SCN3A: variants seen among roughly 807,000 people sequenced by gnomAD.
The protein encoded by SCN3A is sodium channel protein type 3 subunit alpha.
A neutral mutation model predicts 187.6 loss-of-function variants in SCN3A; 60 were observed. The observed-to-expected ratio is 0.32, with a 90% CI of 0.26 to 0.40. The LOEUF is 0.40. Ranked by LOEUF, SCN3A falls within the 10% of genes least tolerant of loss-of-function variation. SCN3A has a pLI of 1.00. For synonymous variants in SCN3A, 788 were observed against 829.2 expected (o/e 0.95, Z 0.85); for missense variants, 1,601 against 2,428.2 (o/e 0.66, Z 7.16).
At position 165,162,349 on chromosome 2, in the gene SCN3A, C is replaced by T; in HGVS notation, c.990G>A (p.Gly330=). Residue 330 remains glycine, a synonymous_variant, in exon 9 of 28, where the codon GGG becomes GGA. Transcript: ENST00000283254. ...TTCCACAGAGTAAAGGGTCTTTTTG[C>T]CCATCCAAAACATAAAAGTGACCTG... is the stretch of plus-strand genomic sequence containing the variant. ...GDDSHFYVLD[G]QKDPLLCGNG... is the part of the protein sequence containing the mutation. 1 of 1,612,716 alleles carries T rather than the reference C, an allele frequency of 6.2e-7. No homozygotes were observed.
chr2:165,157,529 T>C (rs1574253149), intron 9 of SCN3A, among the ~76,000 whole-genome samples: 2 of 152,332 alleles, frequency 1.3e-5, no homozygotes, highest in East Asian at 3.9e-4. Context: ...CTATGACTTA[T>C]CACTCTTGAT....
At chr2:165,151,007 T>C (rs1688655329) in intron 11 of SCN3A, among the ~76,000 whole-genome samples, 1 of 152,194 alleles carries the variant, frequency 6.6e-6, no homozygotes, top group African/African-American at 2.4e-5. Flanking sequence ...AATGTAGAAC[T>C]TTCTGGCAAG....
At chr2:165,154,380 T>A (rs986841055) in intron 11 of SCN3A, 72 bp downstream of exon 11, 3 of 1,490,912 alleles carry the variant, frequency 2.0e-6, no homozygotes, top group Middle Eastern at 1.8e-4. Flanking sequence ...ATCTACCCTC[T>A]ATAGTATAAC....
intron 5 of SCN3A, among the ~76,000 whole-genome samples, chr2:165,168,452 C>T (rs755232121): frequency 2.0e-5 from 3 of 151,756 alleles, no homozygotes; most frequent in Non-Finnish European, 4.4e-5. Flanking sequence ...AATGATTAAC[C>T]ATGATTGAGA....
At position 165,131,182 on chromosome 2, in the gene SCN3A, T is replaced by C. The variant is rs1687293017; in HGVS notation, c.2565+62A>G. On this transcript the variant is annotated intron_variant, in intron 16 of 27. Transcript: ENST00000283254. ...AAATTAATAATTATATAAATATACA[T>C]TGATTCAATTTCAAAATAAATGTTG... 1.7e-5 allele frequency: 18 copies of C among 1,053,288 alleles called. No individual in the cohort carries two copies. The Admixed American group carries it at 3.8e-4, about 22-fold the overall frequency. The allele number at this position is 1,053,288 out of a possible 1,614,324, so 65.2% of individuals were successfully genotyped here. A position where few individuals can be genotyped will look rare whatever the true frequency, so the allele number is the denominator to read the frequency against.
chr2:165,186,129 G>C (rs2105952892), intron 2 of SCN3A, among the ~76,000 whole-genome samples: 1 of 152,156 alleles, frequency 6.6e-6, no homozygotes, highest in South Asian at 2.1e-4. Flanking sequence ...AAACTAGCCG[G>C]GCTTGTGGCA....
intron 1 of SCN3A, among the ~76,000 whole-genome samples, chr2:165,196,843 A>G (rs1229294276): frequency 2.6e-5 from 4 of 152,128 alleles, no homozygotes; most frequent in Non-Finnish European, 5.9e-5. Context: ...TTTGCTTCCA[A>G]CTGGTGATTT....
intron 2 of SCN3A, among the ~76,000 whole-genome samples, chr2:165,180,473 G>A (rs1203071496): frequency 6.6e-6 from 1 of 152,128 alleles, no homozygotes; most frequent in Non-Finnish European, 1.5e-5. Context: ...TGATATTGGA[G>A]TAGGTTTTGT....
intron 21 of SCN3A, among the ~76,000 whole-genome samples, chr2:165,111,180 C>T (rs1553519720): frequency 6.6e-6 from 1 of 151,956 alleles, no homozygotes; most frequent in Non-Finnish European, 1.5e-5. Context: ...ACTAAAAATA[C>T]AAAAAATTAG....
chr2:165,160,462 A>C (rs187483768), intron 9 of SCN3A, among the ~76,000 whole-genome samples: 12 of 152,314 alleles, frequency 7.9e-5, no homozygotes, highest in Admixed American at 3.9e-4. Context: ...TACTTAAGCC[A>C]TAATAGGAAT....
At chr2:165,109,852 T>C (rs770481101) in intron 21 of SCN3A, among the ~76,000 whole-genome samples, 1 of 152,214 alleles carries the variant, frequency 6.6e-6, no homozygotes, top group Non-Finnish European at 1.5e-5. Flanking sequence ...CTTCTTGCCA[T>C]GGCCACTGTG....
chr2:165,114,041 C>T, intron 19 of SCN3A, 71 bp from the exon 20 acceptor site: 3 of 950,296 alleles, frequency 3.2e-6, no homozygotes, highest in Non-Finnish European at 4.6e-6. Context: ...CTTTCTTGCC[C>T]CTTCCCCACT....
intron 21 of SCN3A, among the ~76,000 whole-genome samples, chr2:165,101,012 A>G (rs1049207353): frequency 6.6e-6 from 1 of 152,186 alleles, no homozygotes; most frequent in Non-Finnish European, 1.5e-5. Flanking sequence ...TTTTATCCAA[A>G]CTGCTGGACT....
intron 5 of SCN3A, among the ~76,000 whole-genome samples, chr2:165,166,881 G>A (rs1453937771): frequency 6.6e-6 from 1 of 151,824 alleles, no homozygotes; most frequent in African/African-American, 2.4e-5. Flanking sequence ...TTTAGAAAGA[G>A]AGGCCTGTAT....
chr2:165,150,535 T>C (rs1688630743), intron 11 of SCN3A, among the ~76,000 whole-genome samples: 1 of 152,206 alleles, frequency 6.6e-6, no homozygotes, highest in African/African-American at 2.4e-5. Context: ...TTAAATTTTA[T>C]ATGTATGAAG....
chr2:165,132,934 A>G (rs1687432662), intron 15 of SCN3A, among the ~76,000 whole-genome samples: 2 of 152,218 alleles, frequency 1.3e-5, no homozygotes, highest in Admixed American at 6.5e-5. Context: ...CAAATTTACA[A>G]GAAAAAAACA....
At position 165,092,506 on chromosome 2, in the gene SCN3A, C is replaced by G; in HGVS notation, c.4555G>C (p.Val1519Leu). 1 of 1,613,198 alleles carries G rather than the reference C, an allele frequency of 6.2e-7. No homozygotes were observed. The highest frequency in any genetic ancestry group is 8.5e-7 in the Non-Finnish European group (1 of 1,179,326). The change falls in exon 27 of 28, where the codon GTC (valine) becomes CTC (leucine). Residue 1519 changes from valine (V) to leucine (L), a missense_variant. This residue lies in a region of SCN3A where 320 missense variants were observed against 623.2 expected (regional missense o/e 0.51). Transcript: ENST00000283254. The surrounding 1 kb of genome is among the most constrained non-coding windows in gnomAD (Gnocchi z 4.2). ...PRPANKFQGMVFDFVTRQVFD... is the reference protein window; with the variant it reads ...PRPANKFQGMLFDFVTRQVFD... ...ACTTGTCTGGTTACAAAATCAAAGA[C>G]CATTCCTTGGAATTTGTTCTAGAAA...
At chr2:165,121,014 G>T (rs1686648170) in intron 18 of SCN3A, among the ~76,000 whole-genome samples, 1 of 151,914 alleles carries the variant, frequency 6.6e-6, no homozygotes, top group African/African-American at 2.4e-5. Context: ...AAAGAAAAAG[G>T]CCATTTGTTT....
chr2:165,170,591 G>A, intron 3 of SCN3A, 43 bp from the exon 4 acceptor site: 1 of 1,188,678 alleles, frequency 8.4e-7, no homozygotes, highest in East Asian at 2.3e-5. Context: ...TTAGACATGG[G>A]CTTATTTAAA....
Sources: allele counts gnomAD v4.1 joint callset (sites outside exome capture counted in the v4.1 genomes callset), GRCh38; gene constraint gnomAD v4.1.1; regional missense constraint gnomAD v4.1.1; non-coding constraint Gnocchi (gnomAD v3.1); transcripts MANE v1.5; gene names NCBI Gene and HGNC (gene_info 2026-07-23, HGNC 2026-07-21).